NHSL1: variants seen among roughly 807,000 people sequenced by gnomAD.
NHSL1 encodes NHS-like protein 1.
A neutral mutation model predicts 95.0 loss-of-function variants in NHSL1; 48 were observed. The observed-to-expected ratio is 0.51, with a 90% CI of 0.40 to 0.64. The LOEUF (loss-of-function observed/expected upper bound fraction) is 0.64. Ranked by LOEUF, NHSL1 falls within the 30% of genes least tolerant of loss-of-function variation. The pLI, the probability that NHSL1 is intolerant of heterozygous loss-of-function variation, is 0.00. For missense variants in NHSL1, 1,971 were observed against 2,077.7 expected (o/e 0.95, Z 1.00); for synonymous variants, 783 against 833.9 (o/e 0.94, Z 1.05).
At chr6:138,579,897 C>T (rs924134753) in intron 1 of NHSL1, among the ~76,000 whole-genome samples, 1 of 152,166 alleles carries the variant, frequency 6.6e-6, no homozygotes, top group African/African-American at 2.4e-5. Context: ...TGACTTTTAA[C>T]GTTCTATCAA....
chr6:138,518,076 T>G (rs1296133592), intron 1 of NHSL1, among the ~76,000 whole-genome samples: 1 of 152,194 alleles, frequency 6.6e-6, no homozygotes, highest in Admixed American at 6.5e-5. Flanking sequence ...GAGAAACTGC[T>G]GCAAGATTTC....
At chr6:138,607,537 T>C (rs1297251922) in intron 1 of NHSL1, among the ~76,000 whole-genome samples, 1 of 152,206 alleles carries the variant, frequency 6.6e-6, no homozygotes, top group Non-Finnish European at 1.5e-5. Flanking sequence ...GGAAGTGAGA[T>C]GGAATATGAT....
intron 1 of NHSL1, chr6:138,651,076 T>C (rs1252527932): frequency 5.3e-6 from 2 of 375,044 alleles, no homozygotes; most frequent in African/African-American, 4.3e-5. Flanking sequence ...GCCATAAAAC[T>C]CATCTGTTAA....
intron 1 of NHSL1, among the ~76,000 whole-genome samples, chr6:138,540,223 A>G (rs1226934828): frequency 6.6e-6 from 1 of 152,246 alleles, no homozygotes; most frequent in Non-Finnish European, 1.5e-5. Flanking sequence ...CAATGGTTCT[A>G]AAAGCCACTG....
chr6:138,599,318 C>T (rs1265722918), intron 1 of NHSL1, among the ~76,000 whole-genome samples: 1 of 152,102 alleles, frequency 6.6e-6, no homozygotes, highest in African/African-American at 2.4e-5. Context: ...TCGAGACCAG[C>T]CTGGCCAATA....
intron 1 of NHSL1, among the ~76,000 whole-genome samples, chr6:138,519,897 T>C (rs2128307689): frequency 6.6e-6 from 1 of 152,316 alleles, no homozygotes; most frequent in Admixed American, 6.5e-5. Context: ...CTTAAAAAGT[T>C]GATAAAGATG....
At chr6:138,661,035 A>C (rs1419770626) in intron 1 of NHSL1, among the ~76,000 whole-genome samples, 3 of 152,312 alleles carry the variant, frequency 2.0e-5, no homozygotes, top group African/African-American at 7.2e-5. Flanking sequence ...TCTTTAAAGA[A>C]GATTCATACA....
intron 1 of NHSL1, among the ~76,000 whole-genome samples, chr6:138,659,710 GTTTT>G (rs368156862): frequency 5.5e-5 from 7 of 127,234 alleles, no homozygotes; most frequent in African/African-American, 2.3e-4. Flanking sequence ...TTCCTACCAC[GTTTT>G]TTTTTTGTTT....
chr6:138,455,494 G>GCCCCGCCTTCACATGCTCCCTGCAAGA (rs1562287545), intron 3 of NHSL1, among the ~76,000 whole-genome samples: 9,616 of 78,764 alleles, frequency 0.12, 959 homozygotes, highest in East Asian at 0.28. Context: ...TCCCTGCAAG[G>GCCCCGCCTTCACATGCTCCCTGCAAGA]AGCCCCGCCT....
At chr6:138,682,138 T>G (rs910348841) in intron 1 of NHSL1, among the ~76,000 whole-genome samples, 5 of 152,152 alleles carry the variant, frequency 3.3e-5, no homozygotes, top group Non-Finnish European at 7.4e-5. Context: ...CAAGCCTAGT[T>G]AATTTTTGTA....
Position 138,423,881 on chromosome 6 carries a change from G to T in NHSL1, c.*200C>A. On this transcript the variant is annotated 3_prime_UTR_variant, in exon 8 of 8. Coordinates refer to ENST00000343505, the MANE Select transcript of NHSL1 (RefSeq NM_001144060.2). Reference sequence around the variant, plus strand: ...CTTTCAGAAGTTTAAGCTTCTACTTGTTCTTAAGCCACAGGGCAAGTGCCA... The same window carrying T: ...CTTTCAGAAGTTTAAGCTTCTACTTTTTCTTAAGCCACAGGGCAAGTGCCA... 1.6e-5 allele frequency: 5 copies of T among 321,138 alleles called. No individual in the cohort carries two copies. Among genetic ancestry groups the T allele is most frequent in the East Asian group, 5.0e-5 (1 of 19,980 alleles). The allele number at this position is 321,138 out of a possible 1,614,324, so 19.9% of individuals were successfully genotyped here.
At chr6:138,489,626 G>A (rs1160630598) in intron 2 of NHSL1, among the ~76,000 whole-genome samples, 1 of 151,522 alleles carries the variant, frequency 6.6e-6, no homozygotes, top group East Asian at 2.0e-4. Flanking sequence ...GCTGGGCACG[G>A]TGTTGTGTGC....
Position 138,447,065 on chromosome 6 carries a change from T to C in NHSL1, c.468A>G (p.Pro156=). The change falls in exon 4 of 8, where the codon CCA becomes CCG. Residue 156 remains proline, a synonymous_variant. Coordinates refer to ENST00000343505, the MANE Select transcript of NHSL1 (RefSeq NM_001144060.2). ...GGGCTTGCTGTCGCATCTTCTCTTC[T>C]GGTGTTGGCAGTGGAAGCGACTTGG... ...NWTKSLPLPT[P]EEKMRQQAQT... 9 of 1,551,766 alleles carry C rather than the reference T, an allele frequency of 5.8e-6. No individual in the cohort carries two copies. Among genetic ancestry groups the C allele is most frequent in the African/African-American group, 1.4e-5 (1 of 73,178 alleles).
chr6:138,527,812 C>T (rs969307600), intron 1 of NHSL1, among the ~76,000 whole-genome samples: 2 of 152,260 alleles, frequency 1.3e-5, no homozygotes. Context: ...ATGCATTGCC[C>T]CATTTAAAGT....
chr6:138,611,607 G>A (rs966114669), intron 1 of NHSL1, among the ~76,000 whole-genome samples: 10 of 152,172 alleles, frequency 6.6e-5, no homozygotes, highest in South Asian at 6.2e-4. Context: ...TTAGCTGGGC[G>A]CAGTGAGGGG....
chr6:138,671,946 G>C (rs1010362506), intron 1 of NHSL1, among the ~76,000 whole-genome samples: 2 of 68,938 alleles, frequency 2.9e-5, no homozygotes, highest in South Asian at 9.0e-4. Flanking sequence ...ATACCTATAG[G>C]GGGGTGGGTT....
intron 1 of NHSL1, among the ~76,000 whole-genome samples, chr6:138,537,634 G>A (rs1478646955): frequency 6.6e-6 from 1 of 152,148 alleles, no homozygotes; most frequent in Non-Finnish European, 1.5e-5. Flanking sequence ...TCCATTCTCA[G>A]AGCTAAGGAG....
At chr6:138,545,028 T>C (rs1317235553) in intron 1 of NHSL1, among the ~76,000 whole-genome samples, 1 of 147,940 alleles carries the variant, frequency 6.8e-6, no homozygotes, top group African/African-American at 2.5e-5. Context: ...TTCACTCTTG[T>C]TGCCCAGGCT....
intron 1 of NHSL1, among the ~76,000 whole-genome samples, chr6:138,526,105 A>AAG (rs1401004968): frequency 1.3e-5 from 2 of 151,970 alleles, no homozygotes; most frequent in Admixed American, 6.6e-5. Context: ...AAAAAAAAAA[A>AAG]AAAGAAAATA....
Sources: gnomAD v4.1 joint callset for allele counts (sites outside exome capture counted in the v4.1 genomes callset) on GRCh38, gnomAD v4.1.1 for gene constraint, MANE v1.5 for transcripts, NCBI Gene and HGNC (gene_info 2026-07-23, HGNC 2026-07-21) for gene names.